Variants in SLC12A6 observed in about 807,000 individuals in gnomAD.
SLC12A6 encodes the protein K-Cl cotransporter 3.
Under a neutral mutation model 135.3 loss-of-function variants are expected in SLC12A6, and 66 were observed. The observed-to-expected ratio is 0.49, with a 90% confidence interval of 0.40 to 0.60. The LOEUF (loss-of-function observed/expected upper bound fraction) is 0.60, where lower values mean the gene tolerates loss of function less well. Ranked by LOEUF, SLC12A6 falls within the 20% of genes least tolerant of loss-of-function variation. SLC12A6 has a pLI of 0.00. For synonymous variants in SLC12A6, 513 were observed against 508.8 expected (o/e 1.01, Z -0.11); for missense variants, 1,058 against 1,452.3 (o/e 0.73, Z 4.41).
intron 2 of SLC12A6, among the ~76,000 whole-genome samples, chr15:34,319,197 G>A (rs1888878765): frequency 6.7e-6 from 1 of 148,418 alleles, no homozygotes; most frequent in Non-Finnish European, 1.5e-5. Context: ...GTGCAGTAGT[G>A]CGATCTCAGC....
chr15:34,253,484 T>C (rs1364156191), intron 9 of SLC12A6, among the ~76,000 whole-genome samples: 1 of 152,230 alleles, frequency 6.6e-6, no homozygotes, highest in Non-Finnish European at 1.5e-5. Flanking sequence ...AGATGGAATC[T>C]ACTTCTGCCA....
chr15:34,244,144 C>A, intron 15 of SLC12A6, 72 bp from the exon 16 acceptor site: 1 of 908,270 alleles, frequency 1.1e-6, no homozygotes, highest in Non-Finnish European at 1.9e-6. Context: ...AACTGAATAC[C>A]TTTGCTGTAT....
intron 2 of SLC12A6, among the ~76,000 whole-genome samples, chr15:34,336,083 T>C (rs1219653330): frequency 1.3e-5 from 2 of 152,184 alleles, no homozygotes; most frequent in Non-Finnish European, 2.9e-5. Context: ...AATTTAGGAT[T>C]CTGTGTGCTG....
At chr15:34,270,064 T>C (rs780832399) in intron 3 of SLC12A6, among the ~76,000 whole-genome samples, 4 of 152,042 alleles carry the variant, frequency 2.6e-5, no homozygotes, top group Non-Finnish European at 4.4e-5. Flanking sequence ...CGAATAATTC[T>C]TTCCCTTTAC....
At chr15:34,296,044 T>A (rs347839) in intron 2 of SLC12A6, among the ~76,000 whole-genome samples, 58,486 of 152,088 alleles carry the variant, frequency 0.38, 14,303 homozygotes, top group African/African-American at 0.71. Context: ...GATACAATTA[T>A]TTATAATAGT....
rs762444658 is a variant in SLC12A6 at position 34,252,160 on chromosome 15, C to A, written c.1333+10G>T. The A allele has an allele frequency of 1.4e-6, 2 of 1,441,922 alleles. No individual in the cohort carries two copies. The highest frequency in any genetic ancestry group is 2.3e-5 in the South Asian group (2 of 87,328). The allele number at this position is 1,441,922 out of a possible 1,614,324, so 89.3% of individuals were successfully genotyped here. On this transcript the variant is annotated intron_variant, in intron 10 of 25. Transcript: ENST00000354181. ...TAGGAAAAAACTTGTCCAATAACTC[C>A]CTAACTTACCTGTAATTATACCACT...
chr15:34,281,323 T>A (rs1367082600), intron 2 of SLC12A6, among the ~76,000 whole-genome samples: 1 of 152,176 alleles, frequency 6.6e-6, no homozygotes, highest in African/African-American at 2.4e-5. Context: ...TACTCTAACA[T>A]TCACATTTAT....
In SLC12A6 at chr15:34,284,521, C is replaced by T. The variant is rs1347689773; in HGVS notation, c.272-9132G>A. 3.9e-5 allele frequency among the ~76,000 whole-genome samples: 6 copies of T among 152,124 alleles called. No homozygotes were observed. The East Asian group carries it at 9.7e-4, about 24-fold the overall frequency. ...ACTCCTGACCTTGTGATCCACCTGC[C>T]TCGGCCTCCCAAAGTGCTGAGATTA... On this transcript the variant is annotated intron_variant, in intron 2 of 25. Transcript: ENST00000354181.
intron 2 of SLC12A6, among the ~76,000 whole-genome samples, chr15:34,305,311 C>A (rs951566902): frequency 1.3e-4 from 19 of 151,494 alleles, no homozygotes; most frequent in East Asian, 5.8e-4. Context: ...CCATTTGTTC[C>A]TTTTTCTTCT....
intron 20 of SLC12A6, chr15:34,238,640 T>C: frequency 1.7e-6 from 1 of 600,674 alleles, no homozygotes. Context: ...TAAGGGGGGA[T>C]ATGTGAATTT....
intron 2 of SLC12A6, among the ~76,000 whole-genome samples, chr15:34,317,912 T>C (rs1349403565): frequency 1.3e-5 from 2 of 152,194 alleles, no homozygotes; most frequent in East Asian, 3.8e-4. Context: ...GTGTGAACTG[T>C]TACCATTTAA....
At chr15:34,327,106 T>C (rs542475724) in intron 2 of SLC12A6, among the ~76,000 whole-genome samples, 3 of 152,038 alleles carry the variant, frequency 2.0e-5, no homozygotes, top group Admixed American at 6.6e-5. Context: ...AGGTTTCTCC[T>C]GGATAAGAAA....
At position 34,336,474 on chromosome 15, in the gene SLC12A6, C is replaced by A. The variant is rs757882297; in HGVS notation, c.207G>T (p.Ser69=). The A allele has an allele frequency of 3.7e-6, 6 of 1,613,652 alleles. No individual in the cohort carries two copies. The highest frequency in any genetic ancestry group is 1.3e-5 in the African/African-American group (1 of 74,902). ...PMSEMSGATT[S]LATVALDPPS... ...GTGGATCCAGTGCAACAGTTGCCAG[C>A]GAAGTGGTGGCCCCAGACATCTCAC... Residue 69 remains serine, a synonymous_variant, in exon 2 of 26, where the codon TCG becomes TCT. Coordinates refer to ENST00000354181, the MANE Select transcript of SLC12A6 (RefSeq NM_001365088.1).
intron 2 of SLC12A6, among the ~76,000 whole-genome samples, chr15:34,331,421 G>A (rs1265794210): frequency 1.3e-5 from 2 of 152,322 alleles, no homozygotes; most frequent in Admixed American, 6.5e-5. Flanking sequence ...GATTACAGGC[G>A]TGAGCCACCG....
chr15:34,256,527 T>G (rs947081799), intron 6 of SLC12A6, among the ~76,000 whole-genome samples: 22 of 152,198 alleles, frequency 1.4e-4, no homozygotes, highest in Admixed American at 6.5e-4. Flanking sequence ...TATTAAGAAC[T>G]GCTAATCTCA....
At chr15:34,245,233 GCA>G (rs1279291095) in intron 15 of SLC12A6, 50 bp downstream of exon 15, 1 of 940,664 alleles carries the variant, frequency 1.1e-6, no homozygotes, top group African/African-American at 1.6e-5. Context: ...AAATAAACAT[GCA>G]TTATTTATCA....
At chr15:34,237,834 T>C (rs917188843) in intron 21 of SLC12A6, among the ~76,000 whole-genome samples, 1 of 152,200 alleles carries the variant, frequency 6.6e-6, no homozygotes, top group African/African-American at 2.4e-5. Context: ...AGACAGTGTA[T>C]CAATGACAAC....
At chr15:34,278,455 A>G (rs1894444033) in intron 2 of SLC12A6, among the ~76,000 whole-genome samples, 1 of 152,044 alleles carries the variant, frequency 6.6e-6, no homozygotes, top group Non-Finnish European at 1.5e-5. Context: ...TAACTCCTCT[A>G]TTGTGTAATA....
intron 9 of SLC12A6, 100 bp downstream of exon 9, chr15:34,254,248 C>T: frequency 1.6e-6 from 2 of 1,257,594 alleles, no homozygotes; most frequent in Admixed American, 3.4e-5. Flanking sequence ...GGGAAAATCT[C>T]AGAGAGACTC....
Sources: gnomAD v4.1 joint callset for allele counts (sites outside exome capture counted in the v4.1 genomes callset) on GRCh38, gnomAD v4.1.1 for gene constraint, MANE v1.5 for transcripts, NCBI Gene and HGNC (gene_info 2026-07-23, HGNC 2026-07-21) for gene names.